SLC30A8: variants seen among roughly 807,000 people sequenced by gnomAD.
SLC30A8 encodes proton-coupled zinc antiporter SLC30A8.
In SLC30A8, 27 loss-of-function variants were observed where a neutral mutation model predicts 36.9. The ratio of observed to expected loss-of-function variants is 0.73; its 90% CI spans 0.54 to 1.01. The LOEUF is 1.01. SLC30A8 is among the 50% of genes least tolerant of loss of function. The pLI is 0.00. For synonymous variants in SLC30A8, 164 were observed against 172.4 expected, an observed-to-expected ratio of 0.95 and a Z score of 0.38; for missense variants, 439 against 452.0, an observed-to-expected ratio of 0.97 and a Z score of 0.26.
intron 2 of SLC30A8, among the ~76,000 whole-genome samples, chr8:117,043,402 G>A (rs1817451435): frequency 6.6e-6 from 1 of 152,328 alleles, no homozygotes; most frequent in East Asian, 1.9e-4. Context: ...TGGGAAGTGC[G>A]TGAATAGAGA....
chr8:116,987,942 G>T (rs112629775), intron 1 of SLC30A8, among the ~76,000 whole-genome samples: 28 of 152,174 alleles, frequency 1.8e-4, no homozygotes, highest in Non-Finnish European at 3.7e-4. Flanking sequence ...CAAGTGATCC[G>T]CCTGCCTTGG....
At chr8:117,002,698 G>A (rs1287273765) in intron 1 of SLC30A8, among the ~76,000 whole-genome samples, 4 of 151,986 alleles carry the variant, frequency 2.6e-5, no homozygotes, top group East Asian at 1.9e-4. Context: ...TCTGCCTCCC[G>A]GTTTCAAGCA....
At chr8:117,132,467 T>C (rs1821174300), upstream of SLC30A8, among the ~76,000 whole-genome samples, 1 of 151,976 alleles carries the variant, frequency 6.6e-6, no homozygotes, top group African/African-American at 2.4e-5. Flanking sequence ...TACTCCAAGC[T>C]TGTGAAGGAG....
At chr8:117,092,182 G>T (rs1426603150) in intron 2 of SLC30A8, among the ~76,000 whole-genome samples, 1 of 152,062 alleles carries the variant, frequency 6.6e-6, no homozygotes, top group African/African-American at 2.4e-5. Context: ...AACTGTTCTG[G>T]TAAAAACAAA....
intron 2 of SLC30A8, among the ~76,000 whole-genome samples, chr8:117,097,486 AATAT>A (rs1283591895): frequency 8.8e-4 from 100 of 113,094 alleles, no homozygotes; most frequent in Non-Finnish European, 1.5e-3. Flanking sequence ...ATATATTTTA[AATAT>A]ATATTATATA....
chr8:117,009,103 A>G (rs1324484473), intron 1 of SLC30A8, among the ~76,000 whole-genome samples: 1 of 152,220 alleles, frequency 6.6e-6, no homozygotes, highest in Non-Finnish European at 1.5e-5. Flanking sequence ...GGACTTAGTA[A>G]TCAAAATCCC....
Position 116,977,141 on chromosome 8 carries a change from CTTTTTTTTTTT to C in SLC30A8, c.-266+26035_-266+26045del, listed in dbSNP as rs71305451. 1.0e-4 allele frequency among the ~76,000 whole-genome samples: 6 copies of C among 59,108 alleles called. No homozygotes were observed. The East Asian group carries it at 2.4e-3, about 24-fold the overall frequency. The allele number at this position is 59,108 out of a possible 152,430, so 38.8% of individuals were successfully genotyped here. A position where few individuals can be genotyped will look rare whatever the true frequency, so the allele number is the denominator to read the frequency against. ...CTTTTCTTTCTTTTTCTTTTTCTTG[CTTTTTTTTTTT>C]TTTTTTTTTTTTGAGATTCAGTCAG... On this transcript the variant is annotated intron_variant, in intron 1 of 10. Coordinates refer to the SLC30A8 transcript ENST00000427715.
At chr8:117,125,426 A>G (rs1351015716) in intron 2 of SLC30A8, among the ~76,000 whole-genome samples, 1 of 152,014 alleles carries the variant, frequency 6.6e-6, no homozygotes, top group Admixed American at 6.6e-5. Flanking sequence ...CAGCACTAAC[A>G]TGTTAGGACT....
At chr8:117,020,650 T>C (rs1816667256) in intron 1 of SLC30A8, among the ~76,000 whole-genome samples, 1 of 136,334 alleles carries the variant, frequency 7.3e-6, no homozygotes, top group Admixed American at 7.3e-5. Flanking sequence ...TAAATTCTGG[T>C]ACATCTATAT....
chr8:117,115,261 T>C (rs1159014403), intron 2 of SLC30A8, among the ~76,000 whole-genome samples: 1 of 151,962 alleles, frequency 6.6e-6, no homozygotes, highest in Non-Finnish European at 1.5e-5. Flanking sequence ...TCTTCTTAAA[T>C]AGAAAACCAG....
chr8:116,951,229 C>G (rs1207231266), intron 1 of SLC30A8: 1 of 152,186 alleles, frequency 6.6e-6, no homozygotes, highest in East Asian at 1.9e-4. Context: ...GCATGGGCAT[C>G]TCCTGCTAAT....
intron 2 of SLC30A8, among the ~76,000 whole-genome samples, chr8:117,108,786 A>G (rs1876080): frequency 0.38 from 58,206 of 152,056 alleles, 14,176 homozygotes; most frequent in African/African-American, 0.69. Context: ...GCATTTCAGA[A>G]TTGAGCAACA....
intron 2 of SLC30A8, among the ~76,000 whole-genome samples, chr8:117,120,522 A>G (rs1258571343): frequency 6.6e-6 from 1 of 151,960 alleles, no homozygotes; most frequent in Non-Finnish European, 1.5e-5. Flanking sequence ...CCATAGGGGG[A>G]AAACTTTACA....
At chr8:117,106,112 A>G (rs1819983105) in intron 2 of SLC30A8, among the ~76,000 whole-genome samples, 1 of 152,172 alleles carries the variant, frequency 6.6e-6, no homozygotes, top group Non-Finnish European at 1.5e-5. Flanking sequence ...AAGGCCACCA[A>G]GCTCTAGGGA....
intron 4 of SLC30A8, among the ~76,000 whole-genome samples, chr8:117,159,083 G>A (rs7007057): frequency 0.38 from 57,067 of 152,044 alleles, 13,511 homozygotes; most frequent in African/African-American, 0.68. Flanking sequence ...AGTGGCCTCT[G>A]GAAGCTAGAA....
At chr8:117,092,244 T>A (rs2130832774) in intron 2 of SLC30A8, among the ~76,000 whole-genome samples, 1 of 152,332 alleles carries the variant, frequency 6.6e-6, no homozygotes, top group Admixed American at 6.5e-5. Flanking sequence ...TGACTCCTCA[T>A]ATGAGCAAAA....
chr8:117,079,564 C>T (rs1818598197), intron 2 of SLC30A8, among the ~76,000 whole-genome samples: 1 of 152,130 alleles, frequency 6.6e-6, no homozygotes, highest in Admixed American at 6.6e-5. Flanking sequence ...CCAATCAGAT[C>T]ATGATATTTC....
At position 117,009,936 on chromosome 8, in the gene SLC30A8, A is replaced by C. The variant is rs568254854; in HGVS notation, c.-265-29283A>C. Among the ~76,000 whole-genome samples, 107 of 152,344 alleles carry C rather than the reference A, an allele frequency of 7.0e-4. 1 individual carries two copies. The highest frequency in any genetic ancestry group is 2.5e-3 in the African/African-American group (104 of 41,586). On this transcript the variant is annotated intron_variant, in intron 1 of 10. Coordinates refer to the SLC30A8 transcript ENST00000427715. ...TTGTAATATTTTTTCGGAGTGAAGC[A>C]GGCAAAGCCAACGCACTTGACTTGA...
chr8:116,974,348 TAAAC>T (rs896393355), intron 1 of SLC30A8, among the ~76,000 whole-genome samples: 258 of 150,950 alleles, frequency 1.7e-3, no homozygotes, highest in African/African-American at 5.5e-3. Context: ...TACAAGAAAA[TAAAC>T]AACCCCATCA....
Sources: gnomAD v4.1 joint callset for allele counts (sites outside exome capture counted in the v4.1 genomes callset) on GRCh38, gnomAD v4.1.1 for gene constraint, MANE v1.5 for transcripts, NCBI Gene and HGNC (gene_info 2026-07-23, HGNC 2026-07-21) for gene names.